The following CNTNAP2 variants were observed in gnomAD, a reference collection of about 807,000 sequenced individuals.
The protein encoded by CNTNAP2 is contactin associated protein 2.
A neutral mutation model predicts 155.2 loss-of-function variants in CNTNAP2; 98 were observed. That is an observed-to-expected ratio of 0.63 (90% CI 0.54 to 0.75). The LOEUF is 0.75. Ranked by LOEUF, CNTNAP2 falls within the 30% of genes least tolerant of loss-of-function variation. The pLI is 0.00. For synonymous variants in CNTNAP2, 651 were observed against 631.2 expected (o/e 1.03, Z -0.47); for missense variants, 1,727 against 1,688.1 (o/e 1.02, Z -0.40).
intron 1 of CNTNAP2, among the ~76,000 whole-genome samples, chr7:146,161,152 C>G (rs996947263): frequency 3.9e-5 from 6 of 152,244 alleles, no homozygotes; most frequent in Middle Eastern, 3.4e-3. Flanking sequence ...ATTCAACAGC[C>G]CTTCATGCTA....
chr7:147,069,375 A>G (rs544501007), intron 4 of CNTNAP2, among the ~76,000 whole-genome samples: 1 of 152,238 alleles, frequency 6.6e-6, no homozygotes, highest in African/African-American at 2.4e-5. Context: ...AGAAAAGAAA[A>G]CCCATCATAT....
At chr7:146,979,602 G>A (rs1264654678) in intron 3 of CNTNAP2, among the ~76,000 whole-genome samples, 5 of 152,188 alleles carry the variant, frequency 3.3e-5, no homozygotes, top group Non-Finnish European at 7.3e-5. Flanking sequence ...CGTGAAAGCA[G>A]AGTGTGATCT....
chr7:148,132,951 C>A (rs1344464834), intron 16 of CNTNAP2, among the ~76,000 whole-genome samples: 3 of 152,108 alleles, frequency 2.0e-5, no homozygotes, highest in Non-Finnish European at 4.4e-5. Context: ...TGATCTGACA[C>A]AGTTGGGTAT....
rs562200740 is a variant in CNTNAP2 at position 147,965,400 on chromosome 7, C to T, written c.2256-12462C>T. ...TTCTGCCCTATTGCTTCTTCCATTTCTCATTCCAACTTTAAGAGTTTAAGG... is the reference window on the plus strand; with the variant it reads ...TTCTGCCCTATTGCTTCTTCCATTTTTCATTCCAACTTTAAGAGTTTAAGG... On this transcript the variant is annotated intron_variant, in intron 14 of 23. Transcript: ENST00000361727. Among the ~76,000 whole-genome samples, 6 of 152,092 alleles carry T rather than the reference C, an allele frequency of 3.9e-5. No individual in the cohort carries two copies. The South Asian group carries it at 6.2e-4, about 16-fold the overall frequency.
At chr7:146,447,379 A>G (rs1013027078) in intron 1 of CNTNAP2, among the ~76,000 whole-genome samples, 2 of 152,080 alleles carry the variant, frequency 1.3e-5, no homozygotes, top group African/African-American at 2.4e-5. Flanking sequence ...TCAGCAATGC[A>G]TTAGTATTTG....
intron 21 of CNTNAP2, among the ~76,000 whole-genome samples, chr7:148,337,093 T>G (rs1168707795): frequency 6.6e-6 from 1 of 152,162 alleles, no homozygotes. Context: ...TTGGCCACAA[T>G]GCCCAGGCAC....
chr7:147,998,103 C>CTTTTTTTTTT (rs71188938), intron 15 of CNTNAP2, among the ~76,000 whole-genome samples: 3 of 75,808 alleles, frequency 4.0e-5, no homozygotes, highest in Admixed American at 1.8e-4. Flanking sequence ...TTTCTTTTTT[C>CTTTTTTTTTT]TTTTTTTTTT....
chr7:146,802,446 C>T (rs1802895465), intron 2 of CNTNAP2, among the ~76,000 whole-genome samples: 1 of 151,994 alleles, frequency 6.6e-6, no homozygotes, highest in Admixed American at 6.6e-5. Context: ...TGTTCGCACC[C>T]AAATCTCATG....
In CNTNAP2 at chr7:147,987,984, C is replaced by T. The variant is rs144158337; in HGVS notation, c.2383+9995C>T. ...TGCTGGGATTACATGCATGAGCCAC[C>T]ACGCCTGGCAGGTTTTATACATTTT... is the stretch of plus-strand genomic sequence containing the variant. On this transcript the variant is annotated intron_variant, in intron 15 of 23. Coordinates refer to ENST00000361727, the MANE Select transcript of CNTNAP2 (RefSeq NM_014141.6). Among the ~76,000 whole-genome samples the T allele has an allele frequency of 1.1e-3, 160 of 152,266 alleles. 1 individual carries two copies. Among genetic ancestry groups the T allele is most frequent in the African/African-American group, 3.3e-3 (136 of 41,550 alleles).
chr7:146,150,826 T>C (rs1003817532), intron 1 of CNTNAP2, among the ~76,000 whole-genome samples: 1 of 152,110 alleles, frequency 6.6e-6, no homozygotes, highest in Admixed American at 6.6e-5. Context: ...CTAATCTTTA[T>C]TATTTTTTGT....
chr7:146,184,987 G>T (rs1798602179), intron 1 of CNTNAP2, among the ~76,000 whole-genome samples: 1 of 152,000 alleles, frequency 6.6e-6, no homozygotes, highest in African/African-American at 2.4e-5. Context: ...AAAAGTTAAA[G>T]AAATAAAAAC....
intron 1 of CNTNAP2, among the ~76,000 whole-genome samples, chr7:146,502,814 C>T (rs549656112): frequency 1.3e-5 from 2 of 152,224 alleles, no homozygotes; most frequent in Admixed American, 1.3e-4. Context: ...GAGGTTTTGT[C>T]ATGTTGGCCA....
At chr7:148,162,282 A>G (rs974165900) in intron 17 of CNTNAP2, among the ~76,000 whole-genome samples, 1 of 152,232 alleles carries the variant, frequency 6.6e-6, no homozygotes, top group African/African-American at 2.4e-5. Flanking sequence ...ATTTGCAAAA[A>G]TGTATTTAGA....
chr7:148,324,202 T>G (rs950273083), intron 21 of CNTNAP2, among the ~76,000 whole-genome samples: 8 of 152,056 alleles, frequency 5.3e-5, no homozygotes, highest in African/African-American at 1.9e-4. Context: ...CCCCATTTAA[T>G]TTTCCAAATG....
chr7:148,061,921 AT>A (rs1443883953), intron 15 of CNTNAP2, among the ~76,000 whole-genome samples: 1,141 of 50,670 alleles, frequency 0.023, 64 homozygotes, highest in African/African-American at 0.11. Context: ...ATAAACAGAT[AT>A]AGATAGATAG....
chr7:148,316,989 A>G (rs1306964246), intron 21 of CNTNAP2, among the ~76,000 whole-genome samples: 6 of 152,208 alleles, frequency 3.9e-5, no homozygotes, highest in Admixed American at 3.9e-4. Context: ...TAAAAACTCC[A>G]TAGGTCCCAA....
rs186643532 is a variant in CNTNAP2, at chr7:146,205,268, C to G, written c.97+88295C>G. ...AGAAAGAAACCAAGTAAATGAATCC[C>G]CATCAGTCTTTACATAATTAATGAT... On this transcript the variant is annotated intron_variant, in intron 1 of 23. Transcript: ENST00000361727. Among the ~76,000 whole-genome samples, 4 of 151,950 alleles carry G rather than the reference C, an allele frequency of 2.6e-5. No homozygotes were observed. The East Asian group carries it at 7.7e-4, about 29-fold the overall frequency.
chr7:147,230,671 T>C (rs1325356816), intron 8 of CNTNAP2, among the ~76,000 whole-genome samples: 1 of 152,220 alleles, frequency 6.6e-6, no homozygotes, highest in Non-Finnish European at 1.5e-5. Context: ...TAATCCAGGC[T>C]GTACATTAGA....
chr7:147,134,508 T>C (rs1375068698), intron 8 of CNTNAP2, among the ~76,000 whole-genome samples: 1 of 151,502 alleles, frequency 6.6e-6, no homozygotes, highest in East Asian at 1.9e-4. Flanking sequence ...TTTATATAAA[T>C]ATATATATAT....
Sources: gnomAD v4.1 joint callset for allele counts (sites outside exome capture counted in the v4.1 genomes callset) on GRCh38, gnomAD v4.1.1 for gene constraint, MANE v1.5 for transcripts, NCBI Gene and HGNC (gene_info 2026-07-23, HGNC 2026-07-21) for gene names.